The following ARHGAP10 variants were observed in gnomAD, a reference collection of about 807,000 sequenced individuals.
ARHGAP10 encodes Rho GTPase activating protein 10.
In ARHGAP10, 87 loss-of-function variants were observed where a neutral mutation model predicts 108.6. The observed-to-expected ratio is 0.80, with a 90% confidence interval of 0.67 to 0.96. The LOEUF (loss-of-function observed/expected upper bound fraction) is 0.96, where lower values mean the gene tolerates loss of function less well. ARHGAP10 is among the 40% of genes least tolerant of loss of function. The pLI, the probability that ARHGAP10 is intolerant of heterozygous loss-of-function variation, is 0.00. For missense variants in ARHGAP10, 939 were observed against 954.5 expected (o/e 0.98, Z 0.21); for synonymous variants, 347 against 341.1 (o/e 1.02, Z -0.19).
Position 148,046,945 on chromosome 4 carries a change from C to T in ARHGAP10, c.1921C>T (p.Leu641Phe), listed in dbSNP as rs1029882202. 2 of 1,614,088 alleles carry T rather than the reference C, an allele frequency of 1.2e-6. No individual in the cohort carries two copies. Among genetic ancestry groups the T allele is most frequent in the Non-Finnish European group, 1.7e-6 (2 of 1,180,030 alleles). ...CACCCCTACCAGCAGTCTGGACTCA[C>T]TTTCCTCCCCGTCTCCCGTGACTAC... is the stretch of plus-strand genomic sequence containing the variant. ...EDTPTSSLDS[L>F]SSPSPVTTAV... The change falls in exon 20 of 23, where the codon CTT becomes TTT. Residue 641 changes from leucine (L) to phenylalanine (F), a missense_variant. Physicochemically the swap from Leu to Phe is conservative, Grantham distance 22 (BLOSUM62 0). Transcript: ENST00000336498.
chr4:147,873,474 A>G (rs1344400434), intron 7 of ARHGAP10, among the ~76,000 whole-genome samples: 1 of 151,904 alleles, frequency 6.6e-6, no homozygotes, highest in African/African-American at 2.4e-5. Flanking sequence ...GAGGGTTGGA[A>G]GGAATCTCAG....
chr4:147,891,299 C>T (rs756659013), intron 10 of ARHGAP10, among the ~76,000 whole-genome samples: 2 of 152,146 alleles, frequency 1.3e-5, no homozygotes, highest in Non-Finnish European at 2.9e-5. Flanking sequence ...ATACATGCTA[C>T]TGTATGAATG....
rs149029725 is a variant in ARHGAP10 at position 147,885,331 on chromosome 4, C to G, written c.1034+3399C>G. Among the ~76,000 whole-genome samples the G allele has an allele frequency of 6.2e-3, 946 of 152,238 alleles. 11 individuals are homozygous for G. Among genetic ancestry groups the G allele is most frequent in the African/African-American group, 0.022 (912 of 41,526 alleles). ...GCAGAAGGTGAAAGAGGAGCAAAGG[C>G]ACATCTTACATGGCAGCAGGCAAGA... On this transcript the variant is annotated intron_variant, in intron 10 of 22. Transcript: ENST00000336498.
chr4:147,920,822 A>AAGG (rs1737205393), intron 13 of ARHGAP10, among the ~76,000 whole-genome samples: 1 of 152,228 alleles, frequency 6.6e-6, no homozygotes, highest in African/African-American at 2.4e-5. Context: ...CTCAGATTTA[A>AAGG]AGGATGGGAA....
chr4:147,981,555 A>G (rs987141597), intron 18 of ARHGAP10, among the ~76,000 whole-genome samples: 2 of 152,180 alleles, frequency 1.3e-5, no homozygotes, highest in African/African-American at 2.4e-5. Context: ...TATTCTGTAG[A>G]TGCCTATTAG....
chr4:147,740,215 G>A (rs1464083138), intron 1 of ARHGAP10, among the ~76,000 whole-genome samples: 2 of 151,068 alleles, frequency 1.3e-5, no homozygotes, highest in African/African-American at 4.9e-5. Context: ...GTGCCACCAG[G>A]CCTGGCTACG....
intron 4 of ARHGAP10, among the ~76,000 whole-genome samples, chr4:147,853,503 T>C (rs1733959845): frequency 6.6e-6 from 1 of 152,224 alleles, no homozygotes; most frequent in African/African-American, 2.4e-5. Flanking sequence ...TTCTTTCCTC[T>C]TCTAAAGCAA....
At chr4:147,818,582 A>G (rs76106161) in intron 1 of ARHGAP10, among the ~76,000 whole-genome samples, 3 of 152,074 alleles carry the variant, frequency 2.0e-5, no homozygotes, top group East Asian at 1.9e-4. Context: ...AAAAAAAAAA[A>G]AAAGTTAGTT....
intron 4 of ARHGAP10, among the ~76,000 whole-genome samples, chr4:147,849,420 G>T (rs1354388133): frequency 6.6e-6 from 1 of 152,108 alleles, no homozygotes; most frequent in Non-Finnish European, 1.5e-5. Flanking sequence ...CAAGCACACA[G>T]TCTTGTTCCT....
chr4:147,746,525 T>C (rs966027997), intron 1 of ARHGAP10, among the ~76,000 whole-genome samples: 2 of 151,482 alleles, frequency 1.3e-5, no homozygotes, highest in African/African-American at 4.9e-5. Context: ...CTCAGCCTCC[T>C]GAGTAGCTCG....
intron 13 of ARHGAP10, among the ~76,000 whole-genome samples, chr4:147,915,206 G>C (rs1433995800): frequency 2.0e-5 from 3 of 152,148 alleles, no homozygotes; most frequent in Non-Finnish European, 4.4e-5. Context: ...TAACAACAAC[G>C]TATGCCACAG....
intron 3 of ARHGAP10, among the ~76,000 whole-genome samples, chr4:147,839,585 T>G (rs1733329441): frequency 6.6e-6 from 1 of 152,202 alleles, no homozygotes; most frequent in Non-Finnish European, 1.5e-5. Context: ...AGGTATGCCT[T>G]TGTTGTGTTT....
intron 1 of ARHGAP10, among the ~76,000 whole-genome samples, chr4:147,770,201 G>T (rs1053189824): frequency 6.6e-6 from 1 of 152,184 alleles, no homozygotes; most frequent in Admixed American, 6.5e-5. Flanking sequence ...CTGTAGACTT[G>T]CTGATACAGT....
At chr4:147,890,162 TC>T (rs1282920823) in intron 10 of ARHGAP10, among the ~76,000 whole-genome samples, 17 of 152,336 alleles carry the variant, frequency 1.1e-4, no homozygotes, top group Admixed American at 1.0e-3. Context: ...GGCTTCTAAA[TC>T]CTAAGGTTGG....
At chr4:147,755,483 A>G (rs2126697852) in intron 1 of ARHGAP10, among the ~76,000 whole-genome samples, 1 of 151,944 alleles carries the variant, frequency 6.6e-6, no homozygotes, top group South Asian at 2.1e-4. Context: ...AGATCACGCC[A>G]TTGCACTCCA....
intron 20 of ARHGAP10, among the ~76,000 whole-genome samples, chr4:148,061,300 C>G (rs897370938): frequency 3.9e-5 from 6 of 152,108 alleles, no homozygotes; most frequent in Non-Finnish European, 8.8e-5. Context: ...CAAAACATCT[C>G]ATCTTCCTCC....
intron 11 of ARHGAP10, among the ~76,000 whole-genome samples, chr4:147,908,753 G>A (rs1221062358): frequency 1.3e-5 from 2 of 152,136 alleles, no homozygotes; most frequent in Non-Finnish European, 2.9e-5. Context: ...GAATACAGCA[G>A]TTTCCTTATC....
intron 3 of ARHGAP10, among the ~76,000 whole-genome samples, chr4:147,831,307 A>G (rs1019853664): frequency 2.6e-5 from 4 of 152,226 alleles, no homozygotes; most frequent in Non-Finnish European, 4.4e-5. Flanking sequence ...ATTTGAGACT[A>G]TAGCTGGTTT....
rs552382838 is a variant in ARHGAP10 at position 147,796,508 on chromosome 4, T to C, written c.155-26219T>C. 7.1e-4 allele frequency among the ~76,000 whole-genome samples: 108 copies of C among 152,150 alleles called. 1 individual carries two copies. Among genetic ancestry groups the C allele is most frequent in the African/African-American group, 2.5e-3 (104 of 41,528 alleles). ...CCCAAATACTGGTTCATCTCTTTTT[T>C]TCCTTATTTCTTTTTTTTTATTTTT... On this transcript the variant is annotated intron_variant, in intron 1 of 22. Coordinates refer to ENST00000336498, the MANE Select transcript of ARHGAP10 (RefSeq NM_024605.4).
Sources: allele counts gnomAD v4.1 joint callset (sites outside exome capture counted in the v4.1 genomes callset), GRCh38; gene constraint gnomAD v4.1.1; transcripts MANE v1.5; gene names NCBI Gene and HGNC (gene_info 2026-07-23, HGNC 2026-07-21).